The following GPC5 variants were observed in gnomAD, a reference collection of about 807,000 sequenced individuals.
GPC5 encodes glypican 5.
GPC5 carries 47 observed loss-of-function variants against 53.9 expected under a neutral mutation model. The observed-to-expected ratio is 0.87, with a 90% CI of 0.69 to 1.11. The LOEUF is 1.11. GPC5 is among the 50% of genes most tolerant of loss of function. The pLI is 0.00. For missense variants in GPC5, 748 were observed against 713.1 expected, an observed-to-expected ratio of 1.05 and a Z score of -0.56; for synonymous variants, 286 against 263.3, an observed-to-expected ratio of 1.09 and a Z score of -0.84.
At chr13:91,947,057 A>G (rs550750335) in intron 6 of GPC5, among the ~76,000 whole-genome samples, 2 of 152,336 alleles carry the variant, frequency 1.3e-5, no homozygotes, top group East Asian at 3.9e-4. Context: ...CTTTTAAGGC[A>G]CAAGTGACAT....
At chr13:92,133,389 G>A (rs1051147164) in intron 6 of GPC5, among the ~76,000 whole-genome samples, 1 of 152,104 alleles carries the variant, frequency 6.6e-6, no homozygotes, top group African/African-American at 2.4e-5. Context: ...TTAATAGACT[G>A]GGAAACTTTA....
intron 2 of GPC5, among the ~76,000 whole-genome samples, chr13:91,644,958 G>A (rs1251856672): frequency 6.6e-6 from 1 of 152,194 alleles, no homozygotes; most frequent in African/African-American, 2.4e-5. Context: ...TTGGGCAATG[G>A]TGGATTTAAA....
rs530987638 is a variant in GPC5 at position 92,673,111 on chromosome 13, A to C, written c.1562-193171A>C. ...AGTTTTATATTGATATCAACTTTAA[A>C]TAATTTTTTATGCATGACATAATAT... On this transcript the variant is annotated intron_variant, in intron 7 of 7. Coordinates refer to ENST00000377067, the MANE Select transcript of GPC5 (RefSeq NM_004466.6). 2.0e-5 allele frequency among the ~76,000 whole-genome samples: 3 copies of C among 152,236 alleles called. No homozygotes were observed. The South Asian group carries it at 6.2e-4, about 32-fold the overall frequency.
chr13:92,070,843 A>G lies in GPC5; in HGVS notation c.1402-73987A>G, dbSNP rs545654003. On this transcript the variant is annotated intron_variant, in intron 6 of 7. Coordinates refer to ENST00000377067, the MANE Select transcript of GPC5 (RefSeq NM_004466.6). ...TCTTACTGAGGTGCAATAACTTTCT[A>G]TGTATTGTTTAGTTTATCACATATC... Among the ~76,000 whole-genome samples, 18 of 152,188 alleles carry G rather than the reference A, an allele frequency of 1.2e-4. 1 individual carries two copies. In the East Asian group the frequency reaches 3.1e-3, roughly 26 times the overall value.
intron 7 of GPC5, among the ~76,000 whole-genome samples, chr13:92,675,815 T>C (rs970931084): frequency 6.6e-6 from 1 of 152,162 alleles, no homozygotes; most frequent in African/African-American, 2.4e-5. Context: ...TCTTATGCCA[T>C]GAACAAGCAG....
chr13:91,931,343 A>C (rs2039819727), intron 6 of GPC5, among the ~76,000 whole-genome samples: 1 of 152,078 alleles, frequency 6.6e-6, no homozygotes, highest in Non-Finnish European at 1.5e-5. Flanking sequence ...AATTCTATTG[A>C]AGATAGTATG....
intron 2 of GPC5, among the ~76,000 whole-genome samples, chr13:91,556,510 A>T (rs2030955320): frequency 1.3e-5 from 2 of 150,768 alleles, no homozygotes; most frequent in African/African-American, 4.9e-5. Flanking sequence ...GGATAAAGAA[A>T]TTGCAGTATG....
chr13:92,163,221 G>A (rs958361039), intron 7 of GPC5, among the ~76,000 whole-genome samples: 1 of 152,110 alleles, frequency 6.6e-6, no homozygotes, highest in Non-Finnish European at 1.5e-5. Flanking sequence ...CAGCACTTGA[G>A]GAGTCCGAGG....
chr13:91,823,309 A>G (rs2038524932), intron 5 of GPC5, among the ~76,000 whole-genome samples: 1 of 152,126 alleles, frequency 6.6e-6, no homozygotes, highest in African/African-American at 2.4e-5. Flanking sequence ...GATTCCATAG[A>G]TTTAGATGTT....
intron 7 of GPC5, among the ~76,000 whole-genome samples, chr13:92,234,339 A>G (rs1318560160): frequency 1.3e-5 from 2 of 152,140 alleles, no homozygotes; most frequent in East Asian, 3.9e-4. Flanking sequence ...TGACTTTTTA[A>G]TGATTGCCAT....
At chr13:91,566,089 A>T (rs2031512258) in intron 2 of GPC5, among the ~76,000 whole-genome samples, 1 of 152,126 alleles carries the variant, frequency 6.6e-6, no homozygotes. Flanking sequence ...ATGTAATTAC[A>T]TGTGCAAAGA....
chr13:92,061,087 TG>T (rs1432399477), intron 6 of GPC5, among the ~76,000 whole-genome samples: 1 of 102,518 alleles, frequency 9.8e-6, no homozygotes, highest in African/African-American at 3.6e-5. Flanking sequence ...CTTTGTAACC[TG>T]GGTGCTGTTA....
intron 7 of GPC5, among the ~76,000 whole-genome samples, chr13:92,810,211 T>G (rs185194819): frequency 6.6e-6 from 1 of 150,418 alleles, no homozygotes; most frequent in Non-Finnish European, 1.5e-5. Context: ...GTGCTTTTAT[T>G]AATCACTTCT....
intron 7 of GPC5, among the ~76,000 whole-genome samples, chr13:92,701,828 C>T (rs1187581547): frequency 6.6e-6 from 1 of 152,056 alleles, no homozygotes; most frequent in East Asian, 1.9e-4. Context: ...ATACCAGAGA[C>T]ATCTAAAAAT....
At chr13:92,201,978 T>A (rs2042298308) in intron 7 of GPC5, among the ~76,000 whole-genome samples, 1 of 152,160 alleles carries the variant, frequency 6.6e-6, no homozygotes, top group Non-Finnish European at 1.5e-5. Context: ...TAAATTTTAA[T>A]CCTTGGTGCT....
At chr13:92,323,806 A>C (rs967565866) in intron 7 of GPC5, among the ~76,000 whole-genome samples, 3 of 151,998 alleles carry the variant, frequency 2.0e-5, no homozygotes, top group Non-Finnish European at 2.9e-5. Context: ...TGTACTTAAA[A>C]TATAATTCAT....
intron 7 of GPC5, among the ~76,000 whole-genome samples, chr13:92,419,743 C>T (rs780642483): frequency 1.4e-4 from 22 of 152,136 alleles, no homozygotes; most frequent in Non-Finnish European, 8.8e-5. Flanking sequence ...ACCAATAACT[C>T]AAAGGGAAAG....
At chr13:92,559,166 C>A (rs1594304027) in intron 7 of GPC5, among the ~76,000 whole-genome samples, 2 of 151,756 alleles carry the variant, frequency 1.3e-5, no homozygotes, top group South Asian at 4.2e-4. Flanking sequence ...AAAGGGACAA[C>A]TTCAACATGA....
At position 92,752,727 on chromosome 13, in the gene GPC5, C is replaced by T. The variant is rs188227610; in HGVS notation, c.1562-113555C>T. Among the ~76,000 whole-genome samples, 443 of 152,190 alleles carry T rather than the reference C, an allele frequency of 2.9e-3. 7 individuals carry two copies. Among genetic ancestry groups the T allele is most frequent in the South Asian group, 0.011 (51 of 4,822 alleles). On this transcript the variant is annotated intron_variant, in intron 7 of 7. Coordinates refer to ENST00000377067, the MANE Select transcript of GPC5 (RefSeq NM_004466.6). Reference sequence around the variant, plus strand: ...CTTTCCTAGTCAAAGAAAGGGGTGACGGAGGGCACCTGGAAAATCGGGTCA... The same window carrying T: ...CTTTCCTAGTCAAAGAAAGGGGTGATGGAGGGCACCTGGAAAATCGGGTCA...
Sources: gnomAD v4.1 joint callset for allele counts (sites outside exome capture counted in the v4.1 genomes callset) on GRCh38, gnomAD v4.1.1 for gene constraint, MANE v1.5 for transcripts, NCBI Gene and HGNC (gene_info 2026-07-23, HGNC 2026-07-21) for gene names.